FAAH2: variants seen among roughly 807,000 people sequenced by gnomAD.
FAAH2 encodes fatty acid amide hydrolase 2.
In FAAH2, 60 loss-of-function variants were observed where a neutral mutation model predicts 36.9. The ratio of observed to expected loss-of-function variants is 1.63; its 90% confidence interval spans 1.32 to 2.02. FAAH2 has a LOEUF of 2.02. Among genes scored for constraint, FAAH2 ranks in the 30% most tolerant of loss-of-function variants. The pLI, the probability that FAAH2 is intolerant of heterozygous loss-of-function variation, is 0.00. For synonymous variants in FAAH2, 214 were observed against 143.8 expected, an observed-to-expected ratio of 1.49 and a Z score of -3.49; for missense variants, 689 against 397.5, an observed-to-expected ratio of 1.73 and a Z score of -6.23.
At position 57,427,309 on chromosome X, in the gene FAAH2, A is replaced by C. The variant is rs180791489; in HGVS notation, c.997-4609A>C. ...ATGGATTTACAGCTCAATTCTACCCAATGTGCAAAGCAGAACTTATTCCAG... is the reference window on the plus strand; with the variant it reads ...ATGGATTTACAGCTCAATTCTACCCCATGTGCAAAGCAGAACTTATTCCAG... On this transcript the variant is annotated intron_variant, in intron 7 of 10. Coordinates refer to ENST00000374900, the MANE Select transcript of FAAH2 (RefSeq NM_174912.4). Among the ~76,000 whole-genome samples the C allele has an allele frequency of 6.9e-3, 771 of 111,195 alleles. 31 individuals are homozygous for C. The highest frequency in any genetic ancestry group is 0.069 in the Admixed American group (715 of 10,436).
intron 5 of FAAH2, among the ~76,000 whole-genome samples, chrX:57,357,848 G>T (rs2054196650): frequency 9.0e-6 from 1 of 111,307 alleles, no homozygotes; most frequent in South Asian, 3.8e-4. Flanking sequence ...TACACCCAAA[G>T]GATTATAAAT....
chrX:57,177,287 G>C, the FAAH2 span, among the ~76,000 whole-genome samples: 1 of 108,431 alleles, frequency 9.2e-6, no homozygotes, highest in East Asian at 2.9e-4. Context: ...TCTTGACTCA[G>C]TGTTCTGGCT....
chrX:57,363,130 T>G (rs2054326540), intron 5 of FAAH2, among the ~76,000 whole-genome samples: 1 of 112,095 alleles, frequency 8.9e-6, no homozygotes, highest in Non-Finnish European at 1.9e-5. Flanking sequence ...GAGAGTTTGA[T>G]GGGGATAGCA....
chrX:57,443,649 G>T (rs1275496631), intron 8 of FAAH2, among the ~76,000 whole-genome samples: 4 of 112,078 alleles, frequency 3.6e-5, no homozygotes, highest in African/African-American at 1.3e-4. Flanking sequence ...TTGTTCTGTT[G>T]CTGGTGAGGA....
At chrX:57,131,912 A>T in the FAAH2 span, among the ~76,000 whole-genome samples, 1 of 112,187 alleles carries the variant, frequency 8.9e-6, no homozygotes, top group African/African-American at 3.2e-5. Context: ...GATTCTGACC[A>T]TATCTCTTTA....
chrX:57,306,637 TTTTA>T, intron 2 of FAAH2, among the ~76,000 whole-genome samples: 1 of 103,758 alleles, frequency 9.6e-6, no homozygotes, highest in Middle Eastern at 5.3e-3. Context: ...AAAGAGATAA[TTTTA>T]TTTGTTTCAC....
chrX:57,428,468 A>G, intron 7 of FAAH2, among the ~76,000 whole-genome samples: 1 of 112,063 alleles, frequency 8.9e-6, no homozygotes, highest in South Asian at 3.7e-4. Context: ...AGTCGGATGC[A>G]TCACATTACC....
At chrX:57,131,102 G>A in the FAAH2 span, among the ~76,000 whole-genome samples, 3 of 92,957 alleles carry the variant, frequency 3.2e-5, no homozygotes, top group South Asian at 5.4e-4. Flanking sequence ...TTTTTGAGAC[G>A]GAGTCTCGCT....
At chrX:57,211,269 A>T in the FAAH2 span, among the ~76,000 whole-genome samples, 1 of 112,076 alleles carries the variant, frequency 8.9e-6, no homozygotes, top group Non-Finnish European at 1.9e-5. Context: ...AGCCCAAGCC[A>T]TCTCTCTTTC....
chrX:57,266,035 C>T, the FAAH2 span, among the ~76,000 whole-genome samples: 15 of 111,257 alleles, frequency 1.3e-4, no homozygotes, highest in African/African-American at 4.9e-4. Context: ...CTATTTCAGC[C>T]TTCAAGCTTC....
At chrX:57,458,434 A>T (rs1333819274) in intron 10 of FAAH2, among the ~76,000 whole-genome samples, 1 of 111,086 alleles carries the variant, frequency 9.0e-6, no homozygotes, top group Non-Finnish European at 1.9e-5. Flanking sequence ...CAGAGGTTGC[A>T]GTGAATCGAG....
chrX:57,442,118 A>T (rs1367059396), intron 8 of FAAH2, among the ~76,000 whole-genome samples: 1 of 111,221 alleles, frequency 9.0e-6, no homozygotes, highest in Non-Finnish European at 1.9e-5. Context: ...GTAGATGTCT[A>T]TTAGGTCCGC....
intron 8 of FAAH2, among the ~76,000 whole-genome samples, chrX:57,443,160 C>T (rs1454929368): frequency 8.9e-6 from 1 of 111,764 alleles, no homozygotes; most frequent in African/African-American, 3.3e-5. Context: ...GTTGGCCTGC[C>T]TCGCTAGGTT....
intron 7 of FAAH2, chrX:57,395,119 A>G: frequency 1.8e-6 from 1 of 540,814 alleles, no homozygotes; most frequent in South Asian, 2.3e-5. Flanking sequence ...TAGCTGCACT[A>G]CGAACCCGTG....
At chrX:57,394,775 G>T in intron 7 of FAAH2, 3 of 954,047 alleles carry the variant, frequency 3.1e-6, no homozygotes, top group Non-Finnish European at 4.5e-6. Context: ...CCGACCAGTT[G>T]CAACCACCAG....
At chrX:57,359,056 C>T (rs891368318) in intron 5 of FAAH2, among the ~76,000 whole-genome samples, 15 of 110,994 alleles carry the variant, frequency 1.4e-4, no homozygotes, top group East Asian at 2.8e-4. Context: ...TATACTCTTT[C>T]GGTTATGTTT....
chrX:57,395,804 T>C (rs1673914928), intron 7 of FAAH2, among the ~76,000 whole-genome samples: 1 of 112,001 alleles, frequency 8.9e-6, no homozygotes, highest in Non-Finnish European at 1.9e-5. Context: ...TGTTAGCTTG[T>C]AAGGTTTTTT....
chrX:57,361,750 G>A (rs1479259240), intron 5 of FAAH2, among the ~76,000 whole-genome samples: 3 of 111,577 alleles, frequency 2.7e-5, no homozygotes, highest in Non-Finnish European at 3.8e-5. Context: ...AGAAGGTTGT[G>A]TATTTTGCAG....
the FAAH2 span, among the ~76,000 whole-genome samples, chrX:57,183,066 G>A: frequency 9.0e-6 from 1 of 111,061 alleles, no homozygotes; most frequent in African/African-American, 3.3e-5. Flanking sequence ...CCTGAGGGCA[G>A]AAGGTGGGAG....
Sources: gnomAD v4.1 joint callset for allele counts (sites outside exome capture counted in the v4.1 genomes callset) on GRCh38, gnomAD v4.1.1 for gene constraint, MANE v1.5 for transcripts, NCBI Gene and HGNC (gene_info 2026-07-23, HGNC 2026-07-21) for gene names.